Variants in PAPSS1 observed in about 807,000 individuals in gnomAD.
PAPSS1 encodes 3'-phosphoadenosine 5'-phosphosulfate synthase 1.
In PAPSS1, 50 loss-of-function variants were observed where a neutral mutation model predicts 72.0. The observed-to-expected ratio is 0.69, with a 90% CI of 0.55 to 0.88. The LOEUF (loss-of-function observed/expected upper bound fraction) is 0.88. Ranked by LOEUF, PAPSS1 falls within the 40% of genes least tolerant of loss-of-function variation. The pLI is 0.00. For missense variants in PAPSS1, 657 were observed against 782.2 expected (o/e 0.84, Z 1.91); for synonymous variants, 261 against 263.6 (o/e 0.99, Z 0.09).
chr4:107,669,888 C>T (rs1245804322), intron 5 of PAPSS1, among the ~76,000 whole-genome samples: 3 of 152,214 alleles, frequency 2.0e-5, no homozygotes, highest in Non-Finnish European at 4.4e-5. Flanking sequence ...AAGGAGAACA[C>T]TCCTGAAAGT....
chr4:107,629,641 C>T (rs187347450), intron 11 of PAPSS1, among the ~76,000 whole-genome samples: 68 of 152,196 alleles, frequency 4.5e-4, no homozygotes, highest in African/African-American at 1.4e-3. Flanking sequence ...CGAGCACAAT[C>T]CTGAAAATAA....
rs558186966 is a variant in PAPSS1 at position 107,644,728 on chromosome 4, C to T, written c.1506+74G>A. 42 of 1,410,684 alleles carry T rather than the reference C, an allele frequency of 3.0e-5. 1 individual carries two copies. The African/African-American group carries it at 3.0e-4, about 10-fold the overall frequency. The allele number at this position is 1,410,684 out of a possible 1,614,324, so 87.4% of individuals were successfully genotyped here. A position where few individuals can be genotyped will look rare whatever the true frequency, so the allele number is the denominator to read the frequency against. On this transcript the variant is annotated intron_variant, in intron 10 of 11. Transcript: ENST00000265174. ...GCCTACAGAGCACAGAAAAAGCAAT[C>T]GGATGGTGACACTAGCTGTGTTAGT...
chr4:107,655,105 T>TAAAAAA (rs61591737), intron 7 of PAPSS1, among the ~76,000 whole-genome samples: 1 of 117,728 alleles, frequency 8.5e-6, no homozygotes. Flanking sequence ...TCTCCCAAGT[T>TAAAAAA]AAAAAAAAAA....
chr4:107,679,539 GAC>G (rs200317565), intron 5 of PAPSS1, among the ~76,000 whole-genome samples: 5,755 of 152,162 alleles, frequency 0.038, 158 homozygotes, highest in Middle Eastern at 0.071. Context: ...TGTACATCTA[GAC>G]ACAGTGTCCA....
chr4:107,703,908 G>A (rs1348343254), intron 1 of PAPSS1, among the ~76,000 whole-genome samples: 1 of 152,126 alleles, frequency 6.6e-6, no homozygotes, highest in Non-Finnish European at 1.5e-5. Flanking sequence ...TTTTTATAGG[G>A]ATTGCATTGA....
intron 10 of PAPSS1, among the ~76,000 whole-genome samples, chr4:107,638,287 C>T (rs1244293874): frequency 2.0e-5 from 3 of 152,132 alleles, no homozygotes; most frequent in African/African-American, 7.2e-5. Context: ...CAAAAACTCT[C>T]ATACAATTTT....
intron 5 of PAPSS1, among the ~76,000 whole-genome samples, chr4:107,667,568 T>A (rs544365757): frequency 3.9e-5 from 6 of 152,284 alleles, no homozygotes; most frequent in Admixed American, 6.5e-5. Context: ...AAAATTAAAT[T>A]GAATCACTGG....
chr4:107,711,516 A>C (rs1299882843), intron 1 of PAPSS1, among the ~76,000 whole-genome samples: 1 of 152,220 alleles, frequency 6.6e-6, no homozygotes, highest in Non-Finnish European at 1.5e-5. Context: ...TTTTAAGTGA[A>C]ATGTATAAAG....
At chr4:107,659,868 CT>C (rs1459293859) in intron 6 of PAPSS1, 90 bp downstream of exon 6, 7 of 675,384 alleles carry the variant, frequency 1.0e-5, no homozygotes, top group Admixed American at 3.0e-5. Context: ...AATACCACCC[CT>C]GGCCTCAAAT....
chr4:107,642,677 C>A (rs1356507046), intron 10 of PAPSS1, among the ~76,000 whole-genome samples: 2 of 152,162 alleles, frequency 1.3e-5, no homozygotes, highest in Non-Finnish European at 2.9e-5. Context: ...TTTACTAAGA[C>A]TCCATTTCAG....
chr4:107,687,794 T>G (rs1327455576), intron 3 of PAPSS1, among the ~76,000 whole-genome samples: 1 of 152,144 alleles, frequency 6.6e-6, no homozygotes, highest in African/African-American at 2.4e-5. Context: ...TGATTCTCCC[T>G]TTGCTCCACA....
At chr4:107,670,316 C>G (rs949872825) in intron 5 of PAPSS1, among the ~76,000 whole-genome samples, 1 of 152,020 alleles carries the variant, frequency 6.6e-6, no homozygotes, top group African/African-American at 2.4e-5. Flanking sequence ...CAAGGAAGAG[C>G]AATTAGCATA....
chr4:107,629,735 AAC>A (rs1726184326), intron 11 of PAPSS1, among the ~76,000 whole-genome samples: 1 of 152,194 alleles, frequency 6.6e-6, no homozygotes, highest in Non-Finnish European at 1.5e-5. Flanking sequence ...AGGTCGTGGA[AAC>A]AGTTTTTTGG....
rs191363991 is a variant in PAPSS1 at position 107,648,314 on chromosome 4, T to C, written c.1238-3244A>G. Among the ~76,000 whole-genome samples, 26 of 152,342 alleles carry C rather than the reference T, an allele frequency of 1.7e-4. No homozygotes were observed. In the East Asian group the frequency reaches 3.9e-3, roughly 23 times the overall value. ...AGGACAAGCCACAGGCCGCTTCATCTAGAGGCGTTGCCAGCAAGGACTGTC... is the reference window on the plus strand; with the variant it reads ...AGGACAAGCCACAGGCCGCTTCATCCAGAGGCGTTGCCAGCAAGGACTGTC... On this transcript the variant is annotated intron_variant, in intron 9 of 11. Coordinates refer to ENST00000265174, the MANE Select transcript of PAPSS1 (RefSeq NM_005443.5).
intron 1 of PAPSS1, among the ~76,000 whole-genome samples, chr4:107,711,237 T>C (rs11942056): frequency 0.031 from 4,782 of 152,324 alleles, 274 homozygotes; most frequent in African/African-American, 0.11. Context: ...ATTTAATATT[T>C]ACTACATTTA....
At chr4:107,664,521 C>T (rs1727265746) in intron 5 of PAPSS1, among the ~76,000 whole-genome samples, 1 of 152,142 alleles carries the variant, frequency 6.6e-6, no homozygotes, top group South Asian at 2.1e-4. Context: ...TTCCCTCCAC[C>T]CTGGAGACCC....
intron 10 of PAPSS1, among the ~76,000 whole-genome samples, chr4:107,639,260 T>C (rs1726473932): frequency 6.6e-6 from 1 of 152,186 alleles, no homozygotes; most frequent in Non-Finnish European, 1.5e-5. Flanking sequence ...TTTCAAGACA[T>C]ATATAAGCTA....
At chr4:107,653,914 C>T (rs898528434) in intron 8 of PAPSS1, among the ~76,000 whole-genome samples, 2 of 152,182 alleles carry the variant, frequency 1.3e-5, no homozygotes, top group African/African-American at 2.4e-5. Context: ...TATTATCATA[C>T]ATTTATTAAC....
chr4:107,634,594 A>G (rs1315983040), intron 10 of PAPSS1, among the ~76,000 whole-genome samples: 1 of 152,164 alleles, frequency 6.6e-6, no homozygotes, highest in African/African-American at 2.4e-5. Flanking sequence ...AAATAAACCC[A>G]AAGAAATACA....
Sources: gnomAD v4.1 joint callset for allele counts (sites outside exome capture counted in the v4.1 genomes callset) on GRCh38, gnomAD v4.1.1 for gene constraint, MANE v1.5 for transcripts, NCBI Gene and HGNC (gene_info 2026-07-23, HGNC 2026-07-21) for gene names.